Variants in TMEM131L observed in about 807,000 individuals in gnomAD.
TMEM131L encodes transmembrane 131 like.
Under a neutral mutation model 192.2 loss-of-function variants are expected in TMEM131L, and 54 were observed. The observed-to-expected ratio is 0.28, with a 90% CI of 0.23 to 0.35. The LOEUF (loss-of-function observed/expected upper bound fraction) is 0.35. Ranked by LOEUF, TMEM131L falls within the 10% of genes least tolerant of loss-of-function variation. TMEM131L has a pLI of 1.00. For missense variants in TMEM131L, 1,888 were observed against 1,972.9 expected (o/e 0.96, Z 0.82); for synonymous variants, 701 against 704.9 (o/e 0.99, Z 0.09).
chr4:153,574,856 G>A (rs112419894), intron 7 of TMEM131L, among the ~76,000 whole-genome samples: 3,585 of 152,242 alleles, frequency 0.024, 88 homozygotes, highest in African/African-American at 0.064. Context: ...CCAAAGTGCC[G>A]AGATTACAGG....
At chr4:153,580,149 C>T (rs965775466) in intron 7 of TMEM131L, among the ~76,000 whole-genome samples, 2 of 152,176 alleles carry the variant, frequency 1.3e-5, no homozygotes, top group African/African-American at 4.8e-5. Flanking sequence ...TAGCCCCCAC[C>T]CTCCTACCCA....
At chr4:153,615,070 C>T (rs1732881840) in intron 26 of TMEM131L, among the ~76,000 whole-genome samples, 1 of 152,210 alleles carries the variant, frequency 6.6e-6, no homozygotes, top group African/African-American at 2.4e-5. Context: ...TACAGCCAGG[C>T]TTCTTCTGGG....
At chr4:153,607,776 A>G (rs1325413210) in intron 25 of TMEM131L, among the ~76,000 whole-genome samples, 1 of 152,224 alleles carries the variant, frequency 6.6e-6, no homozygotes, top group African/African-American at 2.4e-5. Context: ...TAGGGTATGT[A>G]TGAATGGCTT....
intron 19 of TMEM131L, among the ~76,000 whole-genome samples, chr4:153,594,633 CTTCT>C (rs1226065963): frequency 4.6e-5 from 7 of 152,196 alleles, no homozygotes; most frequent in African/African-American, 1.4e-4. Flanking sequence ...TGGGTATTTT[CTTCT>C]TTCTTTATCT....
At chr4:153,608,084 G>T (rs796399390) in intron 25 of TMEM131L, among the ~76,000 whole-genome samples, 1 of 151,848 alleles carries the variant, frequency 6.6e-6, no homozygotes, top group East Asian at 1.9e-4. Context: ...TTGTGCCACC[G>T]CACTCCAGCC....
At chr4:153,566,645 A>G (rs1729226502) in intron 7 of TMEM131L, among the ~76,000 whole-genome samples, 1 of 152,168 alleles carries the variant, frequency 6.6e-6, no homozygotes, top group Admixed American at 6.5e-5. Context: ...TTATAAGAAA[A>G]CATGGGAAAC....
chr4:153,555,854 G>C lies in TMEM131L; in HGVS notation c.376G>C (p.Val126Leu). ...YNPSRDSEVV[V>L]NSVFAAAGHF... is the part of the protein sequence containing the mutation. ...CCCTAGTAGGGACAGCGAGGTTGTG[G>C]TGAATTCAGTGTTTGCAGCTGCTGG... is the stretch of plus-strand genomic sequence containing the variant. Residue 126 changes from valine to leucine, a missense_variant, in exon 5 of 35, where the codon GTG (valine) becomes CTG (leucine). Transcript: ENST00000409959. This position sits in a 1 kb window ranked among gnomAD's most constrained non-coding sequence, Gnocchi z 4.1. 6.4e-7 allele frequency: 1 copy of C among 1,551,722 alleles called. No homozygotes were observed. The highest frequency in any genetic ancestry group is 8.7e-7 in the Non-Finnish European group (1 of 1,146,958).
At chr4:153,583,770 A>G (rs1730522484) in intron 11 of TMEM131L, 98 bp downstream of exon 11, 1 of 714,294 alleles carries the variant, frequency 1.4e-6, no homozygotes, top group African/African-American at 1.8e-5. Context: ...GTTTCAAAAA[A>G]GTGAAGGGAA....
At chr4:153,526,452 T>C (rs1016956049) in intron 3 of TMEM131L, among the ~76,000 whole-genome samples, 2 of 151,954 alleles carry the variant, frequency 1.3e-5, no homozygotes, top group Non-Finnish European at 2.9e-5. Context: ...CTTGCTGTCT[T>C]GGCCGGGCAC....
intron 3 of TMEM131L, among the ~76,000 whole-genome samples, chr4:153,485,654 G>A (rs1169394789): frequency 6.6e-6 from 1 of 152,194 alleles, no homozygotes; most frequent in African/African-American, 2.4e-5. Context: ...GGTTCTGTTT[G>A]AATTACAATC....
intron 27 of TMEM131L, among the ~76,000 whole-genome samples, chr4:153,621,305 A>G (rs1052732004): frequency 2.0e-5 from 3 of 152,304 alleles, no homozygotes; most frequent in Admixed American, 6.5e-5. Context: ...TAATAATGAA[A>G]CAGAATAGTT....
chr4:153,533,275 G>A (rs567239558), intron 3 of TMEM131L, among the ~76,000 whole-genome samples: 2 of 152,210 alleles, frequency 1.3e-5, no homozygotes, highest in Admixed American at 6.5e-5. Context: ...GTAAGCTACC[G>A]CACCCAGCCT....
intron 3 of TMEM131L, among the ~76,000 whole-genome samples, chr4:153,514,658 A>G (rs775324408): frequency 6.6e-6 from 1 of 152,238 alleles, no homozygotes; most frequent in Non-Finnish European, 1.5e-5. Context: ...TACTCATTCA[A>G]GCTTGTCTAG....
Position 153,569,430 on chromosome 4 carries a change from A to G in TMEM131L, c.660+11062A>G, listed in dbSNP as rs1729436207. On this transcript the variant is annotated intron_variant, in intron 7 of 34. Coordinates refer to ENST00000409959, the MANE Select transcript of TMEM131L (RefSeq NM_001131007.2). ...TCTGCCCCAAGGCCACACTGTAACC[A>G]GGGTTGAAAGTTCACATCTTCCTCT... 2.0e-5 allele frequency among the ~76,000 whole-genome samples: 3 copies of G among 152,234 alleles called. No homozygotes were observed. The South Asian group carries it at 6.2e-4, about 32-fold the overall frequency.
At chr4:153,631,077 G>A (rs1027279784) in intron 31 of TMEM131L, among the ~76,000 whole-genome samples, 3 of 152,254 alleles carry the variant, frequency 2.0e-5, no homozygotes, top group Admixed American at 2.0e-4. Context: ...AGCCAGAGCT[G>A]TGAGAACCAC....
intron 2 of TMEM131L, among the ~76,000 whole-genome samples, chr4:153,469,515 T>G (rs1715773228): frequency 6.6e-6 from 1 of 152,274 alleles, no homozygotes; most frequent in African/African-American, 2.4e-5. Flanking sequence ...AATTTGAGGG[T>G]TTTCTGCTTA....
chr4:153,495,183 T>C (rs1364075879), intron 3 of TMEM131L, among the ~76,000 whole-genome samples: 4 of 152,006 alleles, frequency 2.6e-5, no homozygotes, highest in Admixed American at 6.5e-5. Flanking sequence ...GGCGTGGTGG[T>C]ATGCACCAGT....
Position 153,636,319 on chromosome 4 carries a change from C to G in TMEM131L, c.4576C>G (p.Arg1526Gly), listed in dbSNP as rs1448286435. Residue 1526 changes from arginine to glycine, a missense_variant, in exon 35 of 35, where the codon CGA becomes GGA. Coordinates refer to ENST00000409959, the MANE Select transcript of TMEM131L (RefSeq NM_001131007.2). ...ISSPPYLTST[R>G]SLSPMSGLFG... ...ACTTCAGCCCTACCTCACAAGCACC[C>G]GAAGCTTGTCTCCAATGTCTGGACT... 6.2e-7 allele frequency: 1 copy of G among 1,613,912 alleles called. No individual in the cohort carries two copies.
rs138438036 is a variant in TMEM131L at position 153,513,940 on chromosome 4, A to C, written c.240-36133A>C. ...TTGGGATTATAACAAAATTGATTAAATATGAAACACTTATTTTCATAACAT... is the reference window on the plus strand; with the variant it reads ...TTGGGATTATAACAAAATTGATTAACTATGAAACACTTATTTTCATAACAT... On this transcript the variant is annotated intron_variant, in intron 3 of 34. Transcript: ENST00000409959. 5.0e-3 allele frequency among the ~76,000 whole-genome samples: 760 copies of C among 152,328 alleles called. 5 individuals carry two copies. The highest frequency in any genetic ancestry group is 0.015 in the African/African-American group (620 of 41,560).
Sources: allele counts gnomAD v4.1 joint callset (sites outside exome capture counted in the v4.1 genomes callset), GRCh38; gene constraint gnomAD v4.1.1; non-coding constraint Gnocchi (gnomAD v3.1); transcripts MANE v1.5; gene names NCBI Gene and HGNC (gene_info 2026-07-23, HGNC 2026-07-21).